CATSPERE: variants seen among roughly 807,000 people sequenced by gnomAD.
The protein encoded by CATSPERE is cation channel sperm-associated auxiliary subunit epsilon.
A neutral mutation model predicts 114.1 loss-of-function variants in CATSPERE; 93 were observed. The ratio of observed to expected loss-of-function variants is 0.81; its 90% CI spans 0.69 to 0.97. The LOEUF is 0.97. CATSPERE is among the 50% of genes least tolerant of loss of function. The pLI, the probability that CATSPERE is intolerant of heterozygous loss-of-function variation, is 0.00. For missense variants in CATSPERE, 1,058 were observed against 1,131.6 expected, an observed-to-expected ratio of 0.93 and a Z score of 0.93; for synonymous variants, 341 against 384.1, an observed-to-expected ratio of 0.89 and a Z score of 1.31.
rs1668582510 is a variant in CATSPERE, at chr1:244,472,165, T to C, written c.115-5376T>C. 2.6e-5 allele frequency among the ~76,000 whole-genome samples: 4 copies of C among 152,140 alleles called. No homozygotes were observed. In the South Asian group the frequency reaches 8.3e-4, roughly 31 times the overall value. The stretch of plus-strand genomic sequence containing the variant: ...TATTAGAGACAAGGTCTTACTATGT[T>C]GCCCTGGCTGGTCTCAAACTCCTGA... On this transcript the variant is annotated intron_variant, in intron 2 of 21. Transcript: ENST00000366534.
chr1:244,451,331 T>G (rs995750798), upstream of CATSPERE, among the ~76,000 whole-genome samples: 1 of 152,136 alleles, frequency 6.6e-6, no homozygotes, highest in African/African-American at 2.4e-5. This position sits in a 1 kb window ranked among gnomAD's most constrained non-coding sequence, Gnocchi z 6.6. Flanking sequence ...GTCCCGGCGC[T>G]GAGCACCACT....
chr1:244,455,504 G>GT lies in CATSPERE; in HGVS notation n.237+906dup, dbSNP rs77959110. 9.5e-3 allele frequency among the ~76,000 whole-genome samples: 1,316 copies of GT among 138,846 alleles called. 9 individuals are homozygous for GT. The highest frequency in any genetic ancestry group is 0.024 in the African/African-American group (902 of 38,112). The allele number at this position is 138,846 out of a possible 152,430, so 91.1% of individuals were successfully genotyped here. On this transcript the variant is annotated intron_variant and non_coding_transcript_variant, in intron 1 of 15. Coordinates refer to the CATSPERE transcript ENST00000473875. ...AAAGTTGGGTATAAAATTTTTAAGG[G>GT]TTTTTTTTTTTTTTTAAAGAGCGCT... is the stretch of plus-strand genomic sequence containing the variant.
chr1:244,635,601 C>A, intron 21 of CATSPERE, 59 bp downstream of exon 21: 1 of 1,366,302 alleles, frequency 7.3e-7, no homozygotes, highest in Non-Finnish European at 1.0e-6. Flanking sequence ...CAAATGGCAG[C>A]TAAGAAGGAA....
At chr1:244,489,969 A>G (rs946995354) in intron 5 of CATSPERE, among the ~76,000 whole-genome samples, 1 of 152,228 alleles carries the variant, frequency 6.6e-6, no homozygotes, top group East Asian at 1.9e-4. Flanking sequence ...AAGAAACCTC[A>G]ACATTTAACA....
Position 244,508,126 on chromosome 1 carries a change from A to G in CATSPERE, c.429+9047A>G, listed in dbSNP as rs553818312. Among the ~76,000 whole-genome samples, 161 of 151,750 alleles carry G rather than the reference A, an allele frequency of 1.1e-3. 2 individuals are homozygous for G. The highest frequency in any genetic ancestry group is 3.4e-3 in the Middle Eastern group (1 of 294). On this transcript the variant is annotated intron_variant, in intron 7 of 21. Coordinates refer to ENST00000366534, the MANE Select transcript of CATSPERE (RefSeq NM_001130957.2). ...ATATGGAATGTCTTTCCATTTGTTT[A>G]TGTCATCTTCAATTTTTTTCCTCAG...
At chr1:244,532,027 C>T (rs969043579) in intron 8 of CATSPERE, among the ~76,000 whole-genome samples, 2 of 152,062 alleles carry the variant, frequency 1.3e-5, no homozygotes, top group Admixed American at 6.6e-5. Context: ...CTGTTTAAAT[C>T]TTAGATTTCT....
chr1:244,553,942 T>C (rs1661189488), intron 9 of CATSPERE, among the ~76,000 whole-genome samples: 1 of 152,206 alleles, frequency 6.6e-6, no homozygotes, highest in Admixed American at 6.5e-5. Flanking sequence ...TTTCTGTGCC[T>C]GGCTTATTTC....
At position 244,575,416 on chromosome 1, in the gene CATSPERE, C is replaced by T. The variant is rs932333356; in HGVS notation, c.1950+2644C>T. 6.6e-6 allele frequency among the ~76,000 whole-genome samples: 1 copy of T among 152,200 alleles called. No homozygotes were observed. The highest frequency in any genetic ancestry group is 1.5e-5 in the Non-Finnish European group (1 of 68,030). Reference sequence around the variant, plus strand: ...CGGGCTGCGCGGCATGGTATCCTGGCCCCGGCACACTCACACTTTCCTGCT... The same window carrying T: ...CGGGCTGCGCGGCATGGTATCCTGGTCCCGGCACACTCACACTTTCCTGCT... On this transcript the variant is annotated intron_variant, in intron 11 of 21. Transcript: ENST00000366534. The surrounding 1 kb of genome is among the most constrained non-coding windows in gnomAD (Gnocchi z 4.5).
chr1:244,480,930 A>G (rs950589302), intron 5 of CATSPERE, among the ~76,000 whole-genome samples: 2 of 152,080 alleles, frequency 1.3e-5, no homozygotes, highest in African/African-American at 2.4e-5. Context: ...CTTTTCCTCT[A>G]TGGGTTCTGA....
In CATSPERE at chr1:244,593,417, T is replaced by C; in HGVS notation, c.2212T>C (p.Ser738Pro). Residue 738 changes from serine (S) to proline (P), a missense_variant, in exon 16 of 22, where the codon TCG becomes CCG. Coordinates refer to ENST00000366534, the MANE Select transcript of CATSPERE (RefSeq NM_001130957.2). ...CAGGTCATATCTGAGGCATCAGCCA[T>C]CGAAAAACTTGGTAAGAAAATGATA... Reference protein sequence around the residue: ...IEKSYLRHQPSKNLRVRYIWG... With the variant: ...IEKSYLRHQPPKNLRVRYIWG... The C allele has an allele frequency of 6.2e-7, 1 of 1,613,098 alleles. No homozygotes were observed. The highest frequency in any genetic ancestry group is 8.5e-7 in the Non-Finnish European group (1 of 1,179,944).
chr1:244,608,474 T>C (rs1670287735), intron 18 of CATSPERE, among the ~76,000 whole-genome samples: 1 of 150,958 alleles, frequency 6.6e-6, no homozygotes, highest in Non-Finnish European at 1.5e-5. Context: ...AGGTCAAGGC[T>C]GCAGTGAGCT....
At chr1:244,496,021 G>T (rs886975769) in intron 6 of CATSPERE, among the ~76,000 whole-genome samples, 5 of 152,134 alleles carry the variant, frequency 3.3e-5, no homozygotes, top group Admixed American at 2.6e-4. Context: ...GCTGAGTTTT[G>T]ATTTATATTC....
chr1:244,518,943 C>A (rs925887447), intron 8 of CATSPERE, among the ~76,000 whole-genome samples: 8 of 152,030 alleles, frequency 5.3e-5, no homozygotes, highest in African/African-American at 1.9e-4. Context: ...AGGTTGGTGG[C>A]AAATCCTGGA....
At chr1:244,483,583 G>A (rs903472553) in intron 5 of CATSPERE, among the ~76,000 whole-genome samples, 2 of 152,102 alleles carry the variant, frequency 1.3e-5, no homozygotes, top group Non-Finnish European at 2.9e-5. Context: ...CTGATGCGTT[G>A]AGTGTTTTTT....
intron 8 of CATSPERE, among the ~76,000 whole-genome samples, chr1:244,540,697 A>C (rs1658528031): frequency 6.9e-6 from 1 of 145,308 alleles, no homozygotes; most frequent in Non-Finnish European, 1.5e-5. Flanking sequence ...TGCATCGCCA[A>C]GTCAATCCTA....
At chr1:244,558,591 C>A (rs1030433788) in intron 9 of CATSPERE, among the ~76,000 whole-genome samples, 1 of 152,166 alleles carries the variant, frequency 6.6e-6, no homozygotes, top group Non-Finnish European at 1.5e-5. Flanking sequence ...CCTCTTAGTA[C>A]TTCACAGTGG....
chr1:244,591,720 C>A lies in CATSPERE; in HGVS notation c.2178C>A (p.Tyr726Ter). The change falls in exon 15 of 22, where the codon TAC (tyrosine) becomes TAA (stop). Residue 726 changes from tyrosine to a stop codon, truncating the protein, a stop_gained. Transcript: ENST00000366534. LOFTEE classifies it high-confidence loss of function. ...GATGTCATCACCATGATTTTTCATA[C>A]GTGATTGAAAAGTAAGAAATTTTTT... ...KKGCHHHDFSYVIEKSYLRHQ... is the reference protein window; with the variant it reads ...KKGCHHHDFS 1 of 1,513,586 alleles carries A rather than the reference C, an allele frequency of 6.6e-7. No individual in the cohort carries two copies. Among genetic ancestry groups the A allele is most frequent in the Non-Finnish European group, 9.1e-7 (1 of 1,096,456 alleles). 93.8% of individuals were successfully genotyped at this position (1,513,586 alleles called of 1,614,324 possible).
At chr1:244,515,567 A>G (rs1676477603) in intron 7 of CATSPERE, among the ~76,000 whole-genome samples, 1 of 152,214 alleles carries the variant, frequency 6.6e-6, no homozygotes, top group South Asian at 2.1e-4. Context: ...CATGAGTGAA[A>G]TGAGATCACG....
chr1:244,591,623 G>A, intron 14 of CATSPERE, 58 bp from the exon 15 acceptor site: 2 of 1,040,058 alleles, frequency 1.9e-6, no homozygotes, highest in East Asian at 5.1e-5. Context: ...ATGATTAAAT[G>A]TTTTTGCAAA....
Sources: gnomAD v4.1 joint callset for allele counts (sites outside exome capture counted in the v4.1 genomes callset) on GRCh38, gnomAD v4.1.1 for gene constraint, Gnocchi (gnomAD v3.1) non-coding constraint, MANE v1.5 for transcripts, NCBI Gene and HGNC (gene_info 2026-07-23, HGNC 2026-07-21) for gene names.